MPHOSPH6: variants seen among roughly 807,000 people sequenced by gnomAD.
MPHOSPH6 encodes the protein M-phase phosphoprotein 6.
A neutral mutation model predicts 21.8 loss-of-function variants in MPHOSPH6; 25 were observed. The ratio of observed to expected loss-of-function variants is 1.15; its 90% CI spans 0.83 to 1.60. The LOEUF (loss-of-function observed/expected upper bound fraction) is 1.60, where lower values mean the gene tolerates loss of function less well. MPHOSPH6 is among the 40% of genes most tolerant of loss of function. The pLI, the probability that MPHOSPH6 is intolerant of heterozygous loss-of-function variation, is 0.00. For synonymous variants in MPHOSPH6, 84 were observed against 56.5 expected, an observed-to-expected ratio of 1.49 and a Z score of -2.18; for missense variants, 269 against 181.8, an observed-to-expected ratio of 1.48 and a Z score of -2.76.
chr16:82,149,187 G>T, intron 4 of MPHOSPH6, 122 bp downstream of exon 4: 1 of 1,060,438 alleles, frequency 9.4e-7, no homozygotes, highest in Non-Finnish European at 1.4e-6. Flanking sequence ...GCCGATCACA[G>T]TCATCGTCCT....
rs577500448 is a variant in MPHOSPH6 at position 82,166,663 on chromosome 16, T to C, written c.52-2469A>G. Among the ~76,000 whole-genome samples the C allele has an allele frequency of 1.3e-3, 193 of 152,310 alleles. 1 individual carries two copies. Among genetic ancestry groups the C allele is most frequent in the African/African-American group, 4.4e-3 (182 of 41,566 alleles). ...AAAAGAGCTCACTCAGTGAAAGTTC[T>C]CTGAATGGAAATGAACCTAGACCTA... On this transcript the variant is annotated intron_variant, in intron 1 of 4. Transcript: ENST00000258169.
At chr16:82,154,234 ACT>A (rs1264344208) in intron 2 of MPHOSPH6, among the ~76,000 whole-genome samples, 2 of 152,130 alleles carry the variant, frequency 1.3e-5, no homozygotes, top group African/African-American at 4.8e-5. Flanking sequence ...CAAGCTAAAC[ACT>A]CTGTGATATT....
chr16:82,155,615 T>C (rs1906403260), intron 2 of MPHOSPH6, among the ~76,000 whole-genome samples: 1 of 152,142 alleles, frequency 6.6e-6, no homozygotes, highest in African/African-American at 2.4e-5. Context: ...ATTTTTTCAA[T>C]AAATGTTAAT....
intron 2 of MPHOSPH6, among the ~76,000 whole-genome samples, chr16:82,156,925 C>A (rs1329276447): frequency 6.6e-6 from 1 of 152,152 alleles, no homozygotes; most frequent in Non-Finnish European, 1.5e-5. Context: ...TGGTGGTGCA[C>A]GCCTGTAATC....
chr16:82,166,720 G>C (rs1028319794), intron 1 of MPHOSPH6, among the ~76,000 whole-genome samples: 6 of 152,144 alleles, frequency 3.9e-5, no homozygotes, highest in Non-Finnish European at 4.4e-5. Flanking sequence ...TTCTGGGATG[G>C]TTTTCTTTAA....
rs749017256 is a variant in MPHOSPH6 at position 82,148,759 on chromosome 16, T to C, written c.455A>G (p.Lys152Arg). The C allele has an allele frequency of 3.7e-6, 6 of 1,614,180 alleles. No individual in the cohort carries two copies. Among genetic ancestry groups the C allele is most frequent in the Non-Finnish European group, 5.1e-6 (6 of 1,180,020 alleles). The change falls in exon 5 of 5, where the codon AAG (lysine) becomes AGG (arginine). Residue 152 changes from lysine to arginine, a missense_variant. Transcript: ENST00000258169. ...ENGDITPIKA[K>R]KMFLKPQD Reference sequence around the variant, plus strand: ...ATCCTGGGGCTTTAAGAACATCTTCTTTGCTTTAATTGGTGTTATGTCTCC... The same window carrying C: ...ATCCTGGGGCTTTAAGAACATCTTCCTTGCTTTAATTGGTGTTATGTCTCC...
chr16:82,154,957 A>G (rs1343938373), intron 2 of MPHOSPH6, among the ~76,000 whole-genome samples: 1 of 152,248 alleles, frequency 6.6e-6, no homozygotes, highest in Non-Finnish European at 1.5e-5. Flanking sequence ...ATAGATGTGA[A>G]AATCATCAAT....
intron 2 of MPHOSPH6, among the ~76,000 whole-genome samples, chr16:82,154,071 G>A (rs1202023725): frequency 2.0e-5 from 3 of 152,124 alleles, no homozygotes; most frequent in Non-Finnish European, 4.4e-5. Context: ...ACAGGTTTCA[G>A]AGATGAAAAC....
chr16:82,148,690 T>C lies in MPHOSPH6; in HGVS notation c.*41A>G. ...GATGAGCTCCAGATGCCCTGCTGACTTCCACCAAGCACCCCTGGGCCATCG... is the reference window on the plus strand; with the variant it reads ...GATGAGCTCCAGATGCCCTGCTGACCTCCACCAAGCACCCCTGGGCCATCG... On this transcript the variant is annotated 3_prime_UTR_variant, in exon 5 of 5. Coordinates refer to ENST00000258169, the MANE Select transcript of MPHOSPH6 (RefSeq NM_005792.2). 6.2e-7 allele frequency: 1 copy of C among 1,605,682 alleles called. No individual in the cohort carries two copies. The highest frequency in any genetic ancestry group is 8.5e-7 in the Non-Finnish European group (1 of 1,175,586).
At chr16:82,156,915 T>A (rs964394636) in intron 2 of MPHOSPH6, among the ~76,000 whole-genome samples, 6 of 152,064 alleles carry the variant, frequency 3.9e-5, no homozygotes, top group Non-Finnish European at 8.8e-5. Context: ...TAGCCGGGCA[T>A]GGTGGTGCAC....
At position 82,166,364 on chromosome 16, in the gene MPHOSPH6, G is replaced by T. The variant is rs573503831; in HGVS notation, c.52-2170C>A. Among the ~76,000 whole-genome samples, 396 of 152,304 alleles carry T rather than the reference G, an allele frequency of 2.6e-3. 1 individual carries two copies. The highest frequency in any genetic ancestry group is 2.9e-3 in the Non-Finnish European group (199 of 68,014). ...TATACTTCCCAGTCCTTTTGCCTTT[G>T]CGACTTAACACGTTTCCATTTTCTG... On this transcript the variant is annotated intron_variant, in intron 1 of 4. Coordinates refer to ENST00000258169, the MANE Select transcript of MPHOSPH6 (RefSeq NM_005792.2).
At chr16:82,160,963 C>T (rs1299566577) in intron 2 of MPHOSPH6, among the ~76,000 whole-genome samples, 1 of 47,778 alleles carries the variant, frequency 2.1e-5, no homozygotes, top group Non-Finnish European at 3.5e-5. Flanking sequence ...AAGCAACATC[C>T]TTATCTCAGA....
At chr16:82,169,738 C>G (rs1906908225) in intron 1 of MPHOSPH6, among the ~76,000 whole-genome samples, 1 of 152,160 alleles carries the variant, frequency 6.6e-6, no homozygotes, top group East Asian at 1.9e-4. Context: ...AGTGAATTTA[C>G]CTAAATTACC....
chr16:82,155,306 C>G (rs984878136), intron 2 of MPHOSPH6, among the ~76,000 whole-genome samples: 4 of 152,184 alleles, frequency 2.6e-5, no homozygotes, highest in Non-Finnish European at 4.4e-5. Flanking sequence ...CGTTTCTATT[C>G]AATACTGTAT....
At chr16:82,162,470 G>A (rs1317167766) in intron 2 of MPHOSPH6, among the ~76,000 whole-genome samples, 1 of 152,232 alleles carries the variant, frequency 6.6e-6, no homozygotes, top group Non-Finnish European at 1.5e-5. Flanking sequence ...TTGCTGCCAG[G>A]TACCTGGCTC....
intron 3 of MPHOSPH6, 126 bp downstream of exon 3, chr16:82,151,298 C>T (rs775533246): frequency 3.7e-6 from 5 of 1,355,616 alleles, no homozygotes; most frequent in South Asian, 2.6e-5. Context: ...GGCGATATTT[C>T]AAGACTTGTT....
chr16:82,167,468 G>C (rs980665926), intron 1 of MPHOSPH6: 1 of 135,882 alleles, frequency 7.4e-6, no homozygotes, highest in Non-Finnish European at 1.6e-5. Flanking sequence ...TGATTCAAGT[G>C]CATTACATTT....
rs1281287741 is a variant in MPHOSPH6, at chr16:82,148,348, T to C, written c.*383A>G. 6.3e-6 allele frequency: 1 copy of C among 157,518 alleles called. No individual in the cohort carries two copies. Among genetic ancestry groups the C allele is most frequent in the African/African-American group, 2.4e-5 (1 of 41,742 alleles). The allele number at this position is 157,518 out of a possible 1,614,324, so 9.8% of individuals were successfully genotyped here. Reference sequence around the variant, plus strand: ...ATGACATTTGATTCCAAATTGTATGTACGAATTGGCTTGACATAATAAATA... The same window carrying C: ...ATGACATTTGATTCCAAATTGTATGCACGAATTGGCTTGACATAATAAATA... On this transcript the variant is annotated 3_prime_UTR_variant, in exon 5 of 5. Transcript: ENST00000258169.
In MPHOSPH6 at chr16:82,148,404, T is replaced by C. The variant is rs1906150065; in HGVS notation, c.*327A>G. 1 of 194,950 alleles carries C rather than the reference T, an allele frequency of 5.1e-6. No individual in the cohort carries two copies. The highest frequency in any genetic ancestry group is 1.3e-4 in the East Asian group (1 of 7,758). 12.1% of individuals were successfully genotyped at this position (194,950 alleles called of 1,614,324 possible). On this transcript the variant is annotated 3_prime_UTR_variant, in exon 5 of 5. Coordinates refer to ENST00000258169, the MANE Select transcript of MPHOSPH6 (RefSeq NM_005792.2). ...ATAAGGGCAATTTAAACATTGGCAGTAGTTTATGTAAGTCAATTCAAGGTC... is the reference window on the plus strand; with the variant it reads ...ATAAGGGCAATTTAAACATTGGCAGCAGTTTATGTAAGTCAATTCAAGGTC...
Sources: gnomAD v4.1 joint callset for allele counts (sites outside exome capture counted in the v4.1 genomes callset) on GRCh38, gnomAD v4.1.1 for gene constraint, MANE v1.5 for transcripts, NCBI Gene and HGNC (gene_info 2026-07-23, HGNC 2026-07-21) for gene names.